Variants in ERI2 observed in about 807,000 individuals in gnomAD.
ERI2 encodes the protein ERI1 exoribonuclease 2.
A neutral mutation model predicts 46.8 loss-of-function variants in ERI2; 35 were observed. The observed-to-expected ratio is 0.75, with a 90% CI of 0.57 to 0.99. ERI2 has a LOEUF of 0.99. ERI2 is among the 50% of genes least tolerant of loss of function. ERI2 has a pLI of 0.00. For synonymous variants in ERI2, 224 were observed against 271.0 expected (o/e 0.83, Z 1.70); for missense variants, 695 against 796.2 (o/e 0.87, Z 1.53).
intron 1 of ERI2, chr16:20,805,839 A>G (rs1306043247): frequency 1.1e-5 from 5 of 470,048 alleles, no homozygotes; most frequent in Non-Finnish European, 1.4e-5. Context: ...CGTTCCAGCC[A>G]AAGGAAACCG....
chr16:20,799,471 T>A, intron 7 of ERI2, 120 bp from the exon 8 acceptor site: 1 of 925,898 alleles, frequency 1.1e-6, no homozygotes, highest in Non-Finnish European at 1.6e-6. Flanking sequence ...AGTTTTAGTT[T>A]TATGACCATC....
intron 10 of ERI2, among the ~76,000 whole-genome samples, chr16:20,782,206 A>C: frequency 6.6e-6 from 1 of 152,202 alleles, no homozygotes; most frequent in East Asian, 1.9e-4. Context: ...AAAGAAAAAC[A>C]ACCCCCGTTT....
At chr16:20,803,318 T>G in intron 3 of ERI2, 115 bp downstream of exon 3, 1 of 1,194,178 alleles carries the variant, frequency 8.4e-7, no homozygotes, top group Non-Finnish European at 1.1e-6. Flanking sequence ...AGTTTTGCAT[T>G]AAACTACCAA....
chr16:20,784,306 A>G (rs751948827), intron 10 of ERI2, among the ~76,000 whole-genome samples: 4 of 152,210 alleles, frequency 2.6e-5, no homozygotes, highest in African/African-American at 4.8e-5. Flanking sequence ...CTAGTGTTCA[A>G]TATCCATATA....
chr16:20,804,941 C>T (rs955692771), intron 1 of ERI2, among the ~76,000 whole-genome samples: 1 of 152,144 alleles, frequency 6.6e-6, no homozygotes, highest in Non-Finnish European at 1.5e-5. Context: ...GAAACTTTTC[C>T]TACCTATATT....
intron 1 of ERI2, among the ~76,000 whole-genome samples, chr16:20,804,685 A>G (rs921966719): frequency 6.6e-6 from 1 of 152,088 alleles, no homozygotes; most frequent in African/African-American, 2.4e-5. Flanking sequence ...AATAAATAAA[A>G]TAAAATAAGA....
downstream of ERI2, chr16:20,792,386 A>G: frequency 6.2e-7 from 1 of 1,603,634 alleles, no homozygotes; most frequent in Non-Finnish European, 8.5e-7. Context: ...AATTTAACAC[A>G]TACTTACAAA....
rs765951523 is a variant in ERI2 at position 20,798,878 on chromosome 16, G to A, written c.922C>T (p.Gln308Ter). 11 of 1,550,716 alleles carry A rather than the reference G, an allele frequency of 7.1e-6. No individual in the cohort carries two copies. The highest frequency in any genetic ancestry group is 4.9e-5 in the East Asian group (2 of 40,910). The change falls in exon 9 of 9, where the codon CAG becomes TAG. Residue 308 changes from glutamine to a stop codon, truncating the protein, a stop_gained. Coordinates refer to ENST00000357967, the MANE Select transcript of ERI2 (RefSeq NM_001142725.2). LOFTEE classifies it low-confidence loss of function (END_TRUNC). ...ICANSPIKAQ[Q>*]DQLQVKNNIK... ...TTGTTTTTTACTTGTAATTGATCCTGTTGTGCCTTTATAGGAGAATTTGCA... is the reference window on the plus strand; with the variant it reads ...TTGTTTTTTACTTGTAATTGATCCTATTGTGCCTTTATAGGAGAATTTGCA...
chr16:20,806,241 C>A, intron 1 of ERI2, 167 bp downstream of exon 1: 1 of 1,415,798 alleles, frequency 7.1e-7, no homozygotes. Context: ...GACCGAGGTC[C>A]AGGGAGGCGC....
At chr16:20,791,998 G>GC, downstream of ERI2, 1 of 1,613,306 alleles carries the variant, frequency 6.2e-7, no homozygotes, top group Non-Finnish European at 8.5e-7. Context: ...TATTTGTTTT[G>GC]CAGGATAATC....
downstream of ERI2, among the ~76,000 whole-genome samples, chr16:20,794,092 C>T (rs1401608596): frequency 5.9e-5 from 9 of 152,150 alleles, no homozygotes; most frequent in African/African-American, 1.2e-4. Context: ...GTATCTCAAA[C>T]GAGGTATCCA....
rs1396433442 is a variant in ERI2 at position 20,797,913 on chromosome 16, T to C, written c.1887A>G (p.Glu629=). ...FYCCPIGKYQ[E]NRKCCGYFKW... is the part of the protein sequence containing the mutation. ...TGAAATAACCACAACATTTTCTGTT[T>C]TCTTGGTATTTCCCGATAGGGCAAC... Residue 629 remains glutamate (E), a synonymous_variant, in exon 9 of 9, where the codon GAA becomes GAG. Coordinates refer to ENST00000357967, the MANE Select transcript of ERI2 (RefSeq NM_001142725.2). 1.5e-5 allele frequency: 23 copies of C among 1,551,652 alleles called. No homozygotes were observed. The East Asian group carries it at 5.6e-4, about 38-fold the overall frequency.
At position 20,797,133 on chromosome 16, in the gene ERI2, A is replaced by G. The variant is rs988752472; in HGVS notation, c.*591T>C. On this transcript the variant is annotated 3_prime_UTR_variant, in exon 9 of 9. Transcript: ENST00000357967. ...ATGATATCAGAGGCTAAATTTTGAA[A>G]TAAAATATTTGGCAAATTCCTCCAC... The G allele has an allele frequency of 8.0e-6, 11 of 1,368,628 alleles. No homozygotes were observed. The highest frequency in any genetic ancestry group is 3.0e-5 in the African/African-American group (2 of 66,242). The allele number at this position is 1,368,628 out of a possible 1,614,324, so 84.8% of individuals were successfully genotyped here. A position where few individuals can be genotyped will look rare whatever the true frequency, so the allele number is the denominator to read the frequency against.
intron 10 of ERI2, chr16:20,781,000 A>G: frequency 6.2e-7 from 1 of 1,614,186 alleles, no homozygotes; most frequent in Non-Finnish European, 8.5e-7. Flanking sequence ...ACACCCTCAG[A>G]TGTGATGTGG....
At chr16:20,806,201 C>A in intron 1 of ERI2, 3 of 1,397,218 alleles carry the variant, frequency 2.1e-6, no homozygotes, top group Non-Finnish European at 2.8e-6. Context: ...GCTCCTGTCA[C>A]CCTCGGGTAG....
intron 10 of ERI2, among the ~76,000 whole-genome samples, chr16:20,783,077 C>T (rs1177964487): frequency 6.6e-6 from 1 of 152,178 alleles, no homozygotes; most frequent in African/African-American, 2.4e-5. Flanking sequence ...GCTGAAAGTG[C>T]CAAGCTTCTG....
At chr16:20,799,934 C>G (rs1400143283) in intron 7 of ERI2, 23 bp downstream of exon 7, 2 of 1,422,808 alleles carry the variant, frequency 1.4e-6, no homozygotes, top group African/African-American at 2.9e-5. Flanking sequence ...AAATGGCTTA[C>G]ATAATTTTTA....
intron 10 of ERI2, among the ~76,000 whole-genome samples, chr16:20,787,853 C>T (rs1567360202): frequency 6.6e-6 from 1 of 152,116 alleles, no homozygotes; most frequent in Non-Finnish European, 1.5e-5. Context: ...TGTCTGTTTG[C>T]CTGGGACTTA....
rs1023979690 is a variant in ERI2, at chr16:20,806,409, G to A, written c.22C>T (p.Arg8Trp). ...CCGACCCGGAACTCCCTCGAGTACC[G>A]CGCGAGCCGCTTGGTCGCCATTCCC... Reference protein sequence around the residue: MATKRLARQLGLIRRKSI... With the variant: MATKRLAWQLGLIRRKSI... Residue 8 changes from arginine to tryptophan, a missense_variant and splice_region_variant, in exon 1 of 9, where the codon CGG (arginine) becomes TGG (tryptophan). Arg to Trp is a moderately radical substitution (Grantham distance 101). Coordinates refer to ENST00000357967, the MANE Select transcript of ERI2 (RefSeq NM_001142725.2). 9 of 1,550,450 alleles carry A rather than the reference G, an allele frequency of 5.8e-6. No homozygotes were observed. The highest frequency in any genetic ancestry group is 2.4e-5 in the East Asian group (1 of 40,914).
Sources: allele counts gnomAD v4.1 joint callset (sites outside exome capture counted in the v4.1 genomes callset), GRCh38; gene constraint gnomAD v4.1.1; transcripts MANE v1.5; gene names NCBI Gene and HGNC (gene_info 2026-07-23, HGNC 2026-07-21).